The following FADS2 variants were observed in gnomAD, a reference collection of about 807,000 sequenced individuals.
FADS2 encodes the protein acyl-CoA 6-desaturase.
A neutral mutation model predicts 61.2 loss-of-function variants in FADS2; 18 were observed. That is an observed-to-expected ratio of 0.29 (90% CI 0.20 to 0.44). FADS2 has a LOEUF of 0.44. Among genes scored for constraint, FADS2 ranks in the 20% least tolerant of loss-of-function variants. FADS2 has a pLI of 1.00. For missense variants in FADS2, 322 were observed against 572.7 expected, an observed-to-expected ratio of 0.56 and a Z score of 4.47; for synonymous variants, 203 against 223.9, an observed-to-expected ratio of 0.91 and a Z score of 0.83.
chr11:61,861,552 G>A (rs2067417180), intron 7 of FADS2, among the ~76,000 whole-genome samples: 1 of 151,550 alleles, frequency 6.6e-6, no homozygotes, highest in African/African-American at 2.4e-5. Flanking sequence ...GCACACTATT[G>A]CACCACACAC....
chr11:61,818,041 T>G (rs2067002320), intron 1 of FADS2, among the ~76,000 whole-genome samples: 1 of 152,168 alleles, frequency 6.6e-6, no homozygotes, highest in Non-Finnish European at 1.5e-5. Flanking sequence ...ACTCTCAGGC[T>G]CTGCCATATT....
intron 1 of FADS2, among the ~76,000 whole-genome samples, chr11:61,820,651 G>A (rs1252201995): frequency 2.6e-5 from 4 of 152,136 alleles, no homozygotes; most frequent in African/African-American, 9.7e-5. Flanking sequence ...TGTAATCCCT[G>A]CACTTTGGGA....
chr11:61,828,164 T>A, upstream of FADS2: 1 of 1,407,716 alleles, frequency 7.1e-7, no homozygotes, highest in Non-Finnish European at 9.2e-7. The surrounding 1 kb of genome is among the most constrained non-coding windows in gnomAD (Gnocchi z 6.4). Context: ...AGGGGACCGC[T>A]TGGGGGCACT....
rs1286584581 is a variant in FADS2, at chr11:61,816,407, A to G, written c.122A>G (p.His41Arg). 2 of 1,598,470 alleles carry G rather than the reference A, an allele frequency of 1.3e-6. No homozygotes were observed. The highest frequency in any genetic ancestry group is 1.7e-6 in the Non-Finnish European group (2 of 1,179,778). Reference sequence around the variant, plus strand: ...CCTTTTCATCCCGCATCCGCAGGACACCCAATCACCGGGCAACAGGTATGA... The same window carrying G: ...CCTTTTCATCCCGCATCCGCAGGACGCCCAATCACCGGGCAACAGGTATGA... The change falls in exon 1 of 12, where the codon CAC becomes CGC. Residue 41 changes from histidine (H) to arginine (R), a missense_variant. Transcript: ENST00000257261. The surrounding 1 kb of genome is among the most constrained non-coding windows in gnomAD (Gnocchi z 7.0).
chr11:61,816,212 C>T (rs2066981013), upstream of FADS2: 11 of 1,567,770 alleles, frequency 7.0e-6, 1 homozygote, highest in South Asian at 9.1e-5. The surrounding 1 kb of genome is among the most constrained non-coding windows in gnomAD (Gnocchi z 7.0). Flanking sequence ...CATCCTTGCT[C>T]TCCTCCCTCC....
chr11:61,865,059 G>A lies in FADS2; in HGVS notation c.1158-93G>A. On this transcript the variant is annotated intron_variant, in intron 10 of 11. Transcript: ENST00000278840. This position sits in a 1 kb window ranked among gnomAD's most constrained non-coding sequence, Gnocchi z 4.1. The stretch of plus-strand genomic sequence containing the variant: ...CTGGCTGTGGACAGGGTCTCTGAGG[G>A]CCCCAGCCAGCCTCTGCCCAGGTGG... 4.8e-6 allele frequency: 7 copies of A among 1,463,096 alleles called. No homozygotes were observed. Among genetic ancestry groups the A allele is most frequent in the Non-Finnish European group, 6.5e-6 (7 of 1,077,610 alleles). The allele number at this position is 1,463,096 out of a possible 1,614,324, so 90.6% of individuals were successfully genotyped here.
At chr11:61,834,772 T>C (rs1280268131) in intron 1 of FADS2, among the ~76,000 whole-genome samples, 1 of 152,156 alleles carries the variant, frequency 6.6e-6, no homozygotes, top group African/African-American at 2.4e-5. Flanking sequence ...TGGTGTGATG[T>C]GAGGAGGACC....
intron 5 of FADS2, among the ~76,000 whole-genome samples, chr11:61,853,335 T>TTCCTTG (rs1565334638): frequency 2.7e-5 from 2 of 74,558 alleles, no homozygotes; most frequent in African/African-American, 9.1e-5. Flanking sequence ...TTCCTTCCTT[T>TTCCTTG]CCTTCTTTCT....
intron 5 of FADS2, among the ~76,000 whole-genome samples, chr11:61,854,011 G>T (rs1159709850): frequency 6.6e-6 from 1 of 150,608 alleles, no homozygotes; most frequent in Admixed American, 6.7e-5. Flanking sequence ...CCGCCGCCAG[G>T]GCTGGCTGCA....
upstream of FADS2, among the ~76,000 whole-genome samples, chr11:61,823,306 A>G (rs1301310774): frequency 6.6e-6 from 1 of 152,230 alleles, no homozygotes; most frequent in African/African-American, 2.4e-5. Flanking sequence ...TAAGGATTGT[A>G]GTTGAGACAC....
At chr11:61,847,992 G>A (rs574167755) in intron 4 of FADS2, 167 bp from the exon 5 acceptor site, 2 of 704,284 alleles carry the variant, frequency 2.8e-6, no homozygotes, top group South Asian at 1.8e-5. Context: ...GCTGGCGCAT[G>A]CTCTGAGCTC....
intron 1 of FADS2, among the ~76,000 whole-genome samples, chr11:61,833,434 G>C (rs938741882): frequency 1.3e-5 from 2 of 152,230 alleles, no homozygotes; most frequent in East Asian, 1.9e-4. Flanking sequence ...TGAAGGGAGA[G>C]ACACAAAATA....
chr11:61,834,545 A>G (rs974970539), intron 1 of FADS2, among the ~76,000 whole-genome samples: 17 of 152,190 alleles, frequency 1.1e-4, no homozygotes, highest in Non-Finnish European at 1.8e-4. Context: ...AACCAAGGTC[A>G]AGGCAGGGCT....
chr11:61,826,201 C>G (rs2067083962), upstream of FADS2: 1 of 702,570 alleles, frequency 1.4e-6, no homozygotes, highest in Admixed American at 2.0e-5. Context: ...TGAGCCCCAT[C>G]TACCGCCGGC....
intron 1 of FADS2, among the ~76,000 whole-genome samples, chr11:61,836,768 A>G (rs771723734): frequency 7.2e-5 from 11 of 152,132 alleles, no homozygotes; most frequent in Non-Finnish European, 1.3e-4. Context: ...CCCCAGCTAT[A>G]TTGATTTTTC....
rs1369198829 is a variant in FADS2 at position 61,865,466 on chromosome 11, G to A, written c.1284-172G>A. Reference sequence around the variant, plus strand: ...GAGAAGACCATCCCTTTCTGTGTGGGGTTCCTGGTGGGCTCTGAGCTGACA... The same window carrying A: ...GAGAAGACCATCCCTTTCTGTGTGGAGTTCCTGGTGGGCTCTGAGCTGACA... On this transcript the variant is annotated intron_variant, in intron 11 of 11. Coordinates refer to ENST00000278840, the MANE Select transcript of FADS2 (RefSeq NM_004265.4). This position sits in a 1 kb window ranked among gnomAD's most constrained non-coding sequence, Gnocchi z 4.1. 1.0e-6 allele frequency: 1 copy of A among 952,636 alleles called. No homozygotes were observed. The highest frequency in any genetic ancestry group is 1.6e-6 in the Non-Finnish European group (1 of 636,720). The allele number at this position is 952,636 out of a possible 1,614,324, so 59.0% of individuals were successfully genotyped here.
In FADS2 at chr11:61,865,962, G is replaced by T; in HGVS notation, c.*273G>T. On this transcript the variant is annotated 3_prime_UTR_variant, in exon 12 of 12. Coordinates refer to ENST00000278840, the MANE Select transcript of FADS2 (RefSeq NM_004265.4). This position sits in a 1 kb window ranked among gnomAD's most constrained non-coding sequence, Gnocchi z 4.1. ...GCCCCTTCTTCCAAGGAGCAGAGAG[G>T]TGGCCACCGGGGGTGGCTCTGTCCT... 3.9e-6 allele frequency: 2 copies of T among 511,908 alleles called. No individual in the cohort carries two copies. Among genetic ancestry groups the T allele is most frequent in the Non-Finnish European group, 3.5e-6 (1 of 287,056 alleles). 31.7% of individuals were successfully genotyped at this position (511,908 alleles called of 1,614,324 possible).
chr11:61,833,140 A>C (rs1459270025), intron 1 of FADS2, among the ~76,000 whole-genome samples: 1 of 151,976 alleles, frequency 6.6e-6, no homozygotes, highest in Admixed American at 6.6e-5. Context: ...TGACCTCCCC[A>C]CCTCACACAC....
At chr11:61,820,726 C>G (rs1457711162) in intron 1 of FADS2, among the ~76,000 whole-genome samples, 3 of 151,852 alleles carry the variant, frequency 2.0e-5, no homozygotes, top group Non-Finnish European at 1.5e-5. Context: ...ACGGTGAAAC[C>G]CTGTCTCTAC....
Sources: allele counts gnomAD v4.1 joint callset (sites outside exome capture counted in the v4.1 genomes callset), GRCh38; gene constraint gnomAD v4.1.1; non-coding constraint Gnocchi (gnomAD v3.1); transcripts MANE v1.5; gene names NCBI Gene and HGNC (gene_info 2026-07-23, HGNC 2026-07-21).